Variants in GRM2 observed in about 807,000 individuals in gnomAD.
The protein encoded by GRM2 is glutamate metabotropic receptor 2.
A neutral mutation model predicts 60.4 loss-of-function variants in GRM2; 35 were observed. The ratio of observed to expected loss-of-function variants is 0.58; its 90% confidence interval spans 0.44 to 0.77. The LOEUF (loss-of-function observed/expected upper bound fraction) is 0.77. GRM2 is among the 30% of genes least tolerant of loss of function. The pLI, the probability that GRM2 is intolerant of heterozygous loss-of-function variation, is 0.00. For missense variants in GRM2, 925 were observed against 1,199.5 expected, an observed-to-expected ratio of 0.77 and a Z score of 3.38; for synonymous variants, 437 against 484.1, an observed-to-expected ratio of 0.90 and a Z score of 1.28.
At position 51,709,393 on chromosome 3, in the gene GRM2, C is replaced by G. The variant is rs750361568; in HGVS notation, c.410C>G (p.Thr137Ser). Residue 137 changes from threonine (T) to serine (S), a missense_variant, in exon 2 of 6, where the codon ACT becomes AGT. Thr to Ser is a moderately conservative substitution (Grantham distance 58). Coordinates refer to ENST00000395052, the MANE Select transcript of GRM2 (RefSeq NM_000839.5). ...CATGGTGATGCTCCCACTGCCATCA[C>G]TGGTGTTATTGGCGGTTCCTACAGT... ...ATHGDAPTAI[T>S]GVIGGSYSDV... The G allele has an allele frequency of 3.8e-6, 6 of 1,577,702 alleles. No individual in the cohort carries two copies. The South Asian group carries it at 6.7e-5, about 18-fold the overall frequency.
Position 51,709,368 on chromosome 3 carries a change from C to A in GRM2, c.385C>A (p.His129Asn), listed in dbSNP as rs762488020. The change falls in exon 2 of 6, where the codon CAT becomes AAT. Residue 129 changes from histidine to asparagine, a missense_variant. Transcript: ENST00000395052. ...HICPDGSYAT[H>N]GDAPTAITGV... is the part of the protein sequence containing the mutation. ...CTGCCCCGACGGCTCTTATGCGACCCATGGTGATGCTCCCACTGCCATCAC... is the reference window on the plus strand; with the variant it reads ...CTGCCCCGACGGCTCTTATGCGACCAATGGTGATGCTCCCACTGCCATCAC... 7 of 1,586,334 alleles carry A rather than the reference C, an allele frequency of 4.4e-6. No homozygotes were observed. The highest frequency in any genetic ancestry group is 1.7e-4 in the Middle Eastern group (1 of 5,994).
chr3:51,715,757 G>A lies in GRM2; in HGVS notation c.1984G>A (p.Gly662Ser), dbSNP rs756895347. 3.6e-5 allele frequency: 58 copies of A among 1,613,650 alleles called. No homozygotes were observed. The highest frequency in any genetic ancestry group is 1.2e-4 in the Admixed American group (7 of 59,996). The stretch of plus-strand genomic sequence containing the variant: ...GACCAACCGCATTGCACGCATCTTC[G>A]GTGGGGCCCGGGAGGGTGCCCAGCG... ...TKTNRIARIF[G>S]GAREGAQRPR... Residue 662 changes from glycine to serine, a missense_variant, in exon 4 of 6, where the codon GGT becomes AGT. Gly to Ser is a moderately conservative substitution (Grantham distance 56). Coordinates refer to ENST00000395052, the MANE Select transcript of GRM2 (RefSeq NM_000839.5). The surrounding 1 kb of genome is among the most constrained non-coding windows in gnomAD (Gnocchi z 9.0).
rs202090485 is a variant in GRM2 at position 51,715,344 on chromosome 3, C to A, written c.1571C>A (p.Pro524Gln). Residue 524 changes from proline to glutamine, a missense_variant, in exon 4 of 6, where the codon CCG becomes CAG. Physicochemically the swap from Pro to Gln is moderately conservative, Grantham distance 76 (BLOSUM62 -1). Coordinates refer to ENST00000395052, the MANE Select transcript of GRM2 (RefSeq NM_000839.5). The surrounding 1 kb of genome is among the most constrained non-coding windows in gnomAD (Gnocchi z 9.0). ...PGEVCCWLCI[P>Q]CQPYEYRLDE... ...GAAGTCTGCTGCTGGCTCTGCATTC[C>A]GTGCCAGCCCTATGAGTACCGATTG... is the stretch of plus-strand genomic sequence containing the variant. 1 of 1,613,802 alleles carries A rather than the reference C, an allele frequency of 6.2e-7. No individual in the cohort carries two copies. Among genetic ancestry groups the A allele is most frequent in the Non-Finnish European group, 8.5e-7 (1 of 1,179,994 alleles).
chr3:51,712,729 C>A lies in GRM2; in HGVS notation c.707C>A (p.Ala236Asp). Residue 236 changes from alanine (A) to aspartate (D), a missense_variant, in exon 3 of 6, where the codon GCC (alanine) becomes GAC (aspartate). Ala to Asp is a moderately radical substitution (Grantham distance 126). Transcript: ENST00000395052. The surrounding 1 kb of genome is among the most constrained non-coding windows in gnomAD (Gnocchi z 5.3). ...GCTCGTGCCCGCAACATCTGTGTGGCCACCTCGGAGAAAGTGGGCCGTGCC... is the reference window on the plus strand; with the variant it reads ...GCTCGTGCCCGCAACATCTGTGTGGACACCTCGGAGAAAGTGGGCCGTGCC... ...LEARARNICVATSEKVGRAMS... is the reference protein window; with the variant it reads ...LEARARNICVDTSEKVGRAMS... 6.2e-7 allele frequency: 1 copy of A among 1,613,632 alleles called. No homozygotes were observed. The highest frequency in any genetic ancestry group is 8.5e-7 in the Non-Finnish European group (1 of 1,180,024).
chr3:51,712,908 G>C lies in GRM2; in HGVS notation c.886G>C (p.Gly296Arg), dbSNP rs769611989. The change falls in exon 3 of 6, where the codon GGT becomes CGT. Residue 296 changes from glycine (G) to arginine (R), a missense_variant. Gly to Arg is a moderately radical substitution (Grantham distance 125). Transcript: ENST00000395052. The surrounding 1 kb of genome is among the most constrained non-coding windows in gnomAD (Gnocchi z 5.3). ...CAGCTTCACCTGGGTGGCCAGTGAT[G>C]GTTGGGGGGCCCTGGAGAGTGTGGT... ...NASFTWVASDGWGALESVVAG... is the reference protein window; with the variant it reads ...NASFTWVASDRWGALESVVAG... 3 of 1,613,090 alleles carry C rather than the reference G, an allele frequency of 1.9e-6. No individual in the cohort carries two copies. The Middle Eastern group carries it at 4.9e-4, about 266-fold the overall frequency.
rs558863462 is a variant in GRM2 at position 51,712,007 on chromosome 3, T to C, written c.451-466T>C. ...CCGGACCCTGGGATCTGTGTCTTTC[T>C]TCCTAGGGGAAACTTTTCCTTCTTT... is the stretch of plus-strand genomic sequence containing the variant. On this transcript the variant is annotated intron_variant, in intron 2 of 5. Coordinates refer to ENST00000395052, the MANE Select transcript of GRM2 (RefSeq NM_000839.5). The surrounding 1 kb of genome is among the most constrained non-coding windows in gnomAD (Gnocchi z 5.3). Among the ~76,000 whole-genome samples the C allele has an allele frequency of 6.6e-6, 1 of 152,340 alleles. No individual in the cohort carries two copies.
rs192670566 is a variant in GRM2 at position 51,711,089 on chromosome 3, C to T, written c.451-1384C>T. Among the ~76,000 whole-genome samples the T allele has an allele frequency of 6.8e-4, 103 of 152,326 alleles. 1 individual carries two copies. The Middle Eastern group carries it at 0.01, about 15-fold the overall frequency. ...ATCAGAGAACCCTGGAGTCAGCTAC[C>T]GGCCTGAAGTCGGGGAGGCCTGGCC... On this transcript the variant is annotated intron_variant, in intron 2 of 5. Transcript: ENST00000395052.
intron 2 of GRM2, among the ~76,000 whole-genome samples, 161 bp downstream of exon 2, chr3:51,709,594 A>T (rs924002699): frequency 6.6e-5 from 10 of 150,976 alleles, no homozygotes; most frequent in Non-Finnish European, 8.9e-5. Flanking sequence ...CCCTGGTCAC[A>T]TAATGGTGGT....
Position 51,713,910 on chromosome 3 carries a change from C to A in GRM2, c.1288+600C>A. On this transcript the variant is annotated intron_variant, in intron 3 of 5. Transcript: ENST00000395052. The surrounding 1 kb of genome is among the most constrained non-coding windows in gnomAD (Gnocchi z 4.8). ...TAGCTAGGATGACAGGCATGTGGCA[C>A]TGCTCCTAGCTTCAGGGAAAATTTC... The A allele has an allele frequency of 2.2e-6, 1 of 447,788 alleles. No individual in the cohort carries two copies. The highest frequency in any genetic ancestry group is 4.5e-6 in the Non-Finnish European group (1 of 221,218). The allele number at this position is 447,788 out of a possible 1,614,324, so 27.7% of individuals were successfully genotyped here.
rs1703800527 is a variant in GRM2, at chr3:51,713,567, G to C, written c.1288+257G>C. On this transcript the variant is annotated intron_variant, in intron 3 of 5. Transcript: ENST00000395052. The surrounding 1 kb of genome is among the most constrained non-coding windows in gnomAD (Gnocchi z 4.8). The stretch of plus-strand genomic sequence containing the variant: ...TTGAGGGTCTCTGGCTCCTCCTTGG[G>C]CCTTGCCCACTGTCTTCTGTCTCCT... 4.1e-6 allele frequency: 2 copies of C among 487,232 alleles called. No homozygotes were observed. The highest frequency in any genetic ancestry group is 5.8e-5 in the South Asian group (2 of 34,516). 30.2% of individuals were successfully genotyped at this position (487,232 alleles called of 1,614,324 possible).
chr3:51,717,525 C>A lies in GRM2; in HGVS notation c.2365-112C>A. ...TGGGATCCGGCAAATGGACCACAGCCCAGTGTTGGATGCTTAGTCTCCCCC... is the reference window on the plus strand; with the variant it reads ...TGGGATCCGGCAAATGGACCACAGCACAGTGTTGGATGCTTAGTCTCCCCC... On this transcript the variant is annotated intron_variant, in intron 4 of 5. Transcript: ENST00000395052. This position sits in a 1 kb window ranked among gnomAD's most constrained non-coding sequence, Gnocchi z 6.0. The A allele has an allele frequency of 1.2e-6, 1 of 805,220 alleles. No homozygotes were observed. Among genetic ancestry groups the A allele is most frequent in the Non-Finnish European group, 2.0e-6 (1 of 497,346 alleles). The allele number at this position is 805,220 out of a possible 1,614,324, so 49.9% of individuals were successfully genotyped here. A position where few individuals can be genotyped will look rare whatever the true frequency, so the allele number is the denominator to read the frequency against.
Position 51,715,406 on chromosome 3 carries a change from T to C in GRM2, c.1633T>C (p.Trp545Arg). Residue 545 changes from tryptophan (W) to arginine (R), a missense_variant, in exon 4 of 6, where the codon TGG becomes CGG. Coordinates refer to ENST00000395052, the MANE Select transcript of GRM2 (RefSeq NM_000839.5). The surrounding 1 kb of genome is among the most constrained non-coding windows in gnomAD (Gnocchi z 9.0). ...TTGCGCTGATTGTGGCCTGGGCTACTGGCCCAATGCCAGCCTGACTGGCTG... is the reference window on the plus strand; with the variant it reads ...TTGCGCTGATTGTGGCCTGGGCTACCGGCCCAATGCCAGCCTGACTGGCTG... ...FTCADCGLGYWPNASLTGCFE... is the reference protein window; with the variant it reads ...FTCADCGLGYRPNASLTGCFE... 1 of 1,613,518 alleles carries C rather than the reference T, an allele frequency of 6.2e-7. No homozygotes were observed. Among genetic ancestry groups the C allele is most frequent in the South Asian group, 1.1e-5 (1 of 91,068 alleles).
rs1216947573 is a variant in GRM2 at position 51,716,443 on chromosome 3, T to G, written c.2364+306T>G. On this transcript the variant is annotated intron_variant, in intron 4 of 5. Transcript: ENST00000395052. The surrounding 1 kb of genome is among the most constrained non-coding windows in gnomAD (Gnocchi z 4.0). Reference sequence around the variant, plus strand: ...TGGACAGGGTTCTGCCCTGCTCCACTGAGGGGTCATCTGCAGAAGGGGTTG... The same window carrying G: ...TGGACAGGGTTCTGCCCTGCTCCACGGAGGGGTCATCTGCAGAAGGGGTTG... 6.6e-6 allele frequency among the ~76,000 whole-genome samples: 1 copy of G among 152,132 alleles called. No individual in the cohort carries two copies. Among genetic ancestry groups the G allele is most frequent in the Non-Finnish European group, 1.5e-5 (1 of 68,020 alleles).
Position 51,715,906 on chromosome 3 carries a change from C to T in GRM2, c.2133C>T (p.Pro711=), listed in dbSNP as rs201665578. ...CGGGCACAGGCAAGGAGACAGCCCC[C>T]GAACGGCGGGAGGTGGTGACACTGC... ...EAPGTGKETA[P]ERREVVTLRC... The change falls in exon 4 of 6, where the codon CCC becomes CCT. Residue 711 remains proline, a synonymous_variant. Transcript: ENST00000395052. This position sits in a 1 kb window ranked among gnomAD's most constrained non-coding sequence, Gnocchi z 9.0. 82 of 1,613,446 alleles carry T rather than the reference C, an allele frequency of 5.1e-5. No individual in the cohort carries two copies. The highest frequency in any genetic ancestry group is 6.6e-5 in the Non-Finnish European group (78 of 1,179,894).
At position 51,713,611 on chromosome 3, in the gene GRM2, G is replaced by A. The variant is rs571065245; in HGVS notation, c.1288+301G>A. On this transcript the variant is annotated intron_variant, in intron 3 of 5. Coordinates refer to ENST00000395052, the MANE Select transcript of GRM2 (RefSeq NM_000839.5). This position sits in a 1 kb window ranked among gnomAD's most constrained non-coding sequence, Gnocchi z 4.8. ...GTCTCCTTATCTTGCCAAAGGTGGA[G>A]ACCAGGAGACCTCAAGCCCATTCTC... is the stretch of plus-strand genomic sequence containing the variant. The A allele has an allele frequency of 3.9e-5, 16 of 405,820 alleles. No homozygotes were observed. In the East Asian group the frequency reaches 6.8e-4, roughly 17 times the overall value. The allele number at this position is 405,820 out of a possible 1,614,324, so 25.1% of individuals were successfully genotyped here. A position where few individuals can be genotyped will look rare whatever the true frequency, so the allele number is the denominator to read the frequency against.
chr3:51,708,892 G>C lies in GRM2; in HGVS notation c.-92G>C. The C allele has an allele frequency of 3.2e-6, 3 of 931,984 alleles. No individual in the cohort carries two copies. The highest frequency in any genetic ancestry group is 1.6e-6 in the Non-Finnish European group (1 of 637,406). 57.7% of individuals were successfully genotyped at this position (931,984 alleles called of 1,614,324 possible). A position where few individuals can be genotyped will look rare whatever the true frequency, so the allele number is the denominator to read the frequency against. ...CTCTCTTCTTGTCTGTCCTTTCCTG[G>C]TCCCTGTTTCCTCCTCTCTTTGCCT... is the stretch of plus-strand genomic sequence containing the variant. On this transcript the variant is annotated 5_prime_UTR_variant, in exon 2 of 6. Coordinates refer to ENST00000395052, the MANE Select transcript of GRM2 (RefSeq NM_000839.5).
chr3:51,716,338 G>A lies in GRM2; in HGVS notation c.2364+201G>A, dbSNP rs1703898463. ...ATGGCCAGGGAGGTGGGGAACTCGA[G>A]TTAGAGAGAGCTGAGATTTCAGGAC... On this transcript the variant is annotated intron_variant, in intron 4 of 5. Coordinates refer to ENST00000395052, the MANE Select transcript of GRM2 (RefSeq NM_000839.5). This position sits in a 1 kb window ranked among gnomAD's most constrained non-coding sequence, Gnocchi z 4.0. 6.6e-6 allele frequency among the ~76,000 whole-genome samples: 1 copy of A among 152,198 alleles called. No individual in the cohort carries two copies. Among genetic ancestry groups the A allele is most frequent in the South Asian group, 2.1e-4 (1 of 4,830 alleles).
intron 2 of GRM2, among the ~76,000 whole-genome samples, chr3:51,710,106 C>T (rs922121944): frequency 6.6e-6 from 1 of 151,904 alleles, no homozygotes; most frequent in Non-Finnish European, 1.5e-5. Context: ...TCTCCTGCCT[C>T]AGCCTCCCAA....
rs1703805887 is a variant in GRM2, at chr3:51,713,731, T to A, written c.1288+421T>A. On this transcript the variant is annotated intron_variant, in intron 3 of 5. Transcript: ENST00000395052. The surrounding 1 kb of genome is among the most constrained non-coding windows in gnomAD (Gnocchi z 4.8). ...AAAATGTCTTTCTGTCTTTCTTTTT[T>A]CTTTTCTTTCTTTTTTCTTTCTTTC... 4.0e-6 allele frequency: 1 copy of A among 247,228 alleles called. No individual in the cohort carries two copies. The highest frequency in any genetic ancestry group is 8.0e-6 in the Non-Finnish European group (1 of 125,612). The allele number at this position is 247,228 out of a possible 1,614,324, so 15.3% of individuals were successfully genotyped here.
Sources: gnomAD v4.1 joint callset for allele counts (sites outside exome capture counted in the v4.1 genomes callset) on GRCh38, gnomAD v4.1.1 for gene constraint, Gnocchi (gnomAD v3.1) non-coding constraint, MANE v1.5 for transcripts, NCBI Gene and HGNC (gene_info 2026-07-23, HGNC 2026-07-21) for gene names.